Variants in SIPA1L2 observed in about 807,000 individuals in gnomAD.
SIPA1L2 encodes the protein signal induced proliferation associated 1 like 2.
In SIPA1L2, 56 loss-of-function variants were observed where a neutral mutation model predicts 163.9. The ratio of observed to expected loss-of-function variants is 0.34; its 90% CI spans 0.28 to 0.43. The LOEUF (loss-of-function observed/expected upper bound fraction) is 0.43. Among genes scored for constraint, SIPA1L2 ranks in the 20% least tolerant of loss-of-function variants. The pLI, the probability that SIPA1L2 is intolerant of heterozygous loss-of-function variation, is 1.00. For synonymous variants in SIPA1L2, 877 were observed against 865.7 expected (o/e 1.01, Z -0.23); for missense variants, 1,974 against 2,193.5 (o/e 0.90, Z 2.00).
At chr1:232,532,249 G>A (rs1002567377) in intron 2 of SIPA1L2, among the ~76,000 whole-genome samples, 2 of 152,186 alleles carry the variant, frequency 1.3e-5, no homozygotes, top group African/African-American at 4.8e-5. Flanking sequence ...TGAATGGGCT[G>A]AGCAGGAGAA....
At chr1:232,505,940 A>C (rs532976090) in intron 3 of SIPA1L2, among the ~76,000 whole-genome samples, 4 of 152,354 alleles carry the variant, frequency 2.6e-5, no homozygotes, top group African/African-American at 9.6e-5. Flanking sequence ...GTATAAAATC[A>C]GAAGGAAAAA....
At chr1:232,615,227 T>G (rs1224792275) in intron 1 of SIPA1L2, among the ~76,000 whole-genome samples, 1 of 152,200 alleles carries the variant, frequency 6.6e-6, no homozygotes, top group East Asian at 1.9e-4. Context: ...CTTGCTGCCC[T>G]TGAGCTTGGA....
chr1:232,419,217 T>C (rs910740262), intron 18 of SIPA1L2, among the ~76,000 whole-genome samples: 12 of 152,104 alleles, frequency 7.9e-5, no homozygotes, highest in African/African-American at 2.9e-4. Flanking sequence ...AAATCTAAAA[T>C]CCATCATTTT....
intron 7 of SIPA1L2, among the ~76,000 whole-genome samples, chr1:232,474,714 G>A (rs1329265634): frequency 1.3e-5 from 2 of 151,852 alleles, no homozygotes; most frequent in African/African-American, 4.8e-5. Flanking sequence ...AAAATACAGC[G>A]TGTAACCCCA....
chr1:232,490,112 G>C (rs1479166030), intron 5 of SIPA1L2, among the ~76,000 whole-genome samples: 1 of 152,128 alleles, frequency 6.6e-6, no homozygotes, highest in East Asian at 1.9e-4. Flanking sequence ...TGAATCAAGG[G>C]CAATCTCCTT....
chr1:232,584,499 A>G (rs1036215057), intron 1 of SIPA1L2, among the ~76,000 whole-genome samples: 9 of 152,232 alleles, frequency 5.9e-5, no homozygotes, highest in Admixed American at 1.3e-4. Context: ...ATTTCTGCAC[A>G]GCTGACCATA....
rs368861724 is a variant in SIPA1L2, at chr1:232,461,009, G to A, written c.2973C>T (p.Leu991=). ...WKAGLRQGSR[L]VEICKVAVAT... ...CCACGGCTACTTTGCAGATCTCCAC[G>A]AGGCGGCTCCCTTGGCGAAGGCCAG... Residue 991 remains leucine (L), a synonymous_variant, in exon 10 of 23, where the codon CTC becomes CTT. Coordinates refer to ENST00000674635, the MANE Select transcript of SIPA1L2 (RefSeq NM_020808.5). 7.4e-6 allele frequency: 12 copies of A among 1,614,168 alleles called. No individual in the cohort carries two copies. Among genetic ancestry groups the A allele is most frequent in the African/African-American group, 1.3e-5 (1 of 74,960 alleles).
chr1:232,628,742 C>G (rs1301262177), intron 1 of SIPA1L2, among the ~76,000 whole-genome samples: 2 of 152,160 alleles, frequency 1.3e-5, no homozygotes, highest in African/African-American at 4.8e-5. Context: ...AGGCTGCACA[C>G]AAACGCGACT....
At chr1:232,471,114 T>C (rs996447925) in intron 8 of SIPA1L2, among the ~76,000 whole-genome samples, 1 of 152,192 alleles carries the variant, frequency 6.6e-6, no homozygotes, top group Admixed American at 6.5e-5. Flanking sequence ...AGGATACCAA[T>C]TAAGCTATTG....
intron 2 of SIPA1L2, among the ~76,000 whole-genome samples, chr1:232,536,239 C>T (rs184582221): frequency 3.9e-5 from 6 of 152,338 alleles, no homozygotes; most frequent in East Asian, 1.9e-4. Context: ...GCCTCTCTCC[C>T]GAAATCCTTC....
chr1:232,509,857 G>T (rs1316169581), intron 3 of SIPA1L2, among the ~76,000 whole-genome samples: 10 of 152,222 alleles, frequency 6.6e-5, no homozygotes, highest in Non-Finnish European at 1.0e-4. Context: ...TCACAGCTGC[G>T]CTGGAGAGAG....
At chr1:232,515,903 T>C (rs779922150) in intron 2 of SIPA1L2, among the ~76,000 whole-genome samples, 2 of 152,202 alleles carry the variant, frequency 1.3e-5, no homozygotes, top group Non-Finnish European at 2.9e-5. Flanking sequence ...TCCATCTATA[T>C]CCAACAGAGT....
In SIPA1L2 at chr1:232,443,743, C is replaced by T. The variant is rs1572905295; in HGVS notation, c.3354-58G>A. ...CTGAACTATCTGCCAAGCCCCTTGA[C>T]CTGGCCTGTTTTGTTTCACAAATAA... On this transcript the variant is annotated intron_variant, in intron 11 of 22. Coordinates refer to ENST00000674635, the MANE Select transcript of SIPA1L2 (RefSeq NM_020808.5). The T allele has an allele frequency of 1.4e-5, 20 of 1,386,868 alleles. No homozygotes were observed. In the East Asian group the frequency reaches 5.0e-4, roughly 34 times the overall value. The allele number at this position is 1,386,868 out of a possible 1,614,324, so 85.9% of individuals were successfully genotyped here. A position where few individuals can be genotyped will look rare whatever the true frequency, so the allele number is the denominator to read the frequency against.
At chr1:232,492,516 CTTAA>C (rs536558796) in intron 4 of SIPA1L2, among the ~76,000 whole-genome samples, 52 of 152,120 alleles carry the variant, frequency 3.4e-4, no homozygotes, top group Non-Finnish European at 5.4e-4. Flanking sequence ...CAGCTTCAGA[CTTAA>C]TTCTTTATAT....
Position 232,465,513 on chromosome 1 carries a change from TACATACACAC to T in SIPA1L2, c.2244-107_2244-98del. ...ATATATATACACACACACACACATA[TACATACACAC>T]ACACACACACATATACATACACACA... On this transcript the variant is annotated intron_variant, in intron 8 of 22. Transcript: ENST00000674635. The surrounding 1 kb of genome is among the most constrained non-coding windows in gnomAD (Gnocchi z 4.1). The T allele has an allele frequency of 2.4e-6, 2 of 842,366 alleles. No homozygotes were observed. The highest frequency in any genetic ancestry group is 2.8e-5 in the Admixed American group (1 of 35,822). 52.2% of individuals were successfully genotyped at this position (842,366 alleles called of 1,614,324 possible).
chr1:232,455,347 A>G (rs1208666534), intron 10 of SIPA1L2, among the ~76,000 whole-genome samples: 1 of 152,144 alleles, frequency 6.6e-6, no homozygotes, highest in Non-Finnish European at 1.5e-5. Context: ...AACAACAAAA[A>G]CGTGGAATCA....
chr1:232,498,980 C>T (rs537120749), intron 3 of SIPA1L2, among the ~76,000 whole-genome samples: 3 of 152,284 alleles, frequency 2.0e-5, no homozygotes, highest in African/African-American at 7.2e-5. Context: ...CAGTGGATGT[C>T]TCAACTGTGT....
intron 1 of SIPA1L2, among the ~76,000 whole-genome samples, chr1:232,628,840 A>G (rs950511917): frequency 6.6e-6 from 1 of 152,234 alleles, no homozygotes; most frequent in Non-Finnish European, 1.5e-5. Context: ...AGAGGCAAAG[A>G]AAAGAAAAAT....
chr1:232,518,485 G>A (rs1370065266), intron 2 of SIPA1L2, among the ~76,000 whole-genome samples: 1 of 152,140 alleles, frequency 6.6e-6, no homozygotes, highest in Non-Finnish European at 1.5e-5. Flanking sequence ...TGGAAACTCT[G>A]TGGTTCTTTA....
Sources: allele counts gnomAD v4.1 joint callset (sites outside exome capture counted in the v4.1 genomes callset), GRCh38; gene constraint gnomAD v4.1.1; non-coding constraint Gnocchi (gnomAD v3.1); transcripts MANE v1.5; gene names NCBI Gene and HGNC (gene_info 2026-07-23, HGNC 2026-07-21).